Variants in DGKI observed in about 807,000 individuals in gnomAD.
DGKI encodes DAG kinase iota.
Under a neutral mutation model 147.5 loss-of-function variants are expected in DGKI, and 55 were observed. The ratio of observed to expected loss-of-function variants is 0.37; its 90% confidence interval spans 0.30 to 0.47. The LOEUF (loss-of-function observed/expected upper bound fraction) is 0.47, where lower values mean the gene tolerates loss of function less well. DGKI is among the 20% of genes least tolerant of loss of function. DGKI has a pLI of 1.00. For missense variants in DGKI, 1,007 were observed against 1,323.8 expected (o/e 0.76, Z 3.71); for synonymous variants, 469 against 477.1 (o/e 0.98, Z 0.22).
At chr7:137,416,752 C>A (rs1404716870) in intron 28 of DGKI, among the ~76,000 whole-genome samples, 1 of 152,154 alleles carries the variant, frequency 6.6e-6, no homozygotes. Context: ...AGCTTGTACC[C>A]CATATCGCTC....
intron 6 of DGKI, among the ~76,000 whole-genome samples, chr7:137,629,846 T>C (rs1030702486): frequency 6.6e-6 from 1 of 152,200 alleles, no homozygotes; most frequent in Non-Finnish European, 1.5e-5. Flanking sequence ...TAGGCTGGTT[T>C]GATAATATGC....
At chr7:137,806,553 C>T (rs1215445340) in intron 1 of DGKI, among the ~76,000 whole-genome samples, 1 of 152,130 alleles carries the variant, frequency 6.6e-6, no homozygotes, top group Non-Finnish European at 1.5e-5. Context: ...CCTGCCTCAT[C>T]CTCCTGAGTA....
chr7:137,438,721 T>G (rs1036120068), intron 28 of DGKI, among the ~76,000 whole-genome samples: 3 of 152,166 alleles, frequency 2.0e-5, no homozygotes, highest in African/African-American at 7.2e-5. Context: ...TATAAATTGG[T>G]ATATACTCAT....
chr7:137,673,314 T>G (rs762986243), intron 3 of DGKI, among the ~76,000 whole-genome samples: 1 of 152,198 alleles, frequency 6.6e-6, no homozygotes, highest in Non-Finnish European at 1.5e-5. Flanking sequence ...TTTTTGGTCC[T>G]GACACTCTGT....
rs989747682 is a variant in DGKI, at chr7:137,387,846, A to AT, written c.*3373dup. The AT allele has an allele frequency of 2.6e-5, 4 of 152,194 alleles. No individual in the cohort carries two copies. Among genetic ancestry groups the AT allele is most frequent in the African/African-American group, 7.2e-5 (3 of 41,458 alleles). 9.4% of individuals were successfully genotyped at this position (152,194 alleles called of 1,614,324 possible). On this transcript the variant is annotated 3_prime_UTR_variant, in exon 33 of 33. Coordinates refer to ENST00000614521, the MANE Select transcript of DGKI (RefSeq NM_001321708.2). ...TGTAATAAAATAAAGATGCTGTGTC[A>AT]TTTTTTAAAGCCATGAATATTATAA...
intron 19 of DGKI, among the ~76,000 whole-genome samples, chr7:137,562,396 C>T (rs1435680474): frequency 1.1e-4 from 16 of 152,194 alleles, no homozygotes; most frequent in Admixed American, 9.8e-4. Context: ...ATTAGCCGGC[C>T]CTTGTGGCGG....
At chr7:137,608,081 C>A (rs1477146814) in intron 10 of DGKI, among the ~76,000 whole-genome samples, 1 of 152,108 alleles carries the variant, frequency 6.6e-6, no homozygotes, top group Non-Finnish European at 1.5e-5. Context: ...CATCTTGGAC[C>A]AGTGGGTCAA....
chr7:137,394,650 C>T (rs1453035927), intron 32 of DGKI, among the ~76,000 whole-genome samples: 3 of 152,308 alleles, frequency 2.0e-5, no homozygotes, highest in Non-Finnish European at 4.4e-5. Context: ...GGTTGGCATA[C>T]ATGTCACAGT....
intron 1 of DGKI, among the ~76,000 whole-genome samples, chr7:137,777,656 A>G (rs1796400695): frequency 6.6e-6 from 1 of 152,212 alleles, no homozygotes; most frequent in Non-Finnish European, 1.5e-5. Context: ...GTTATTTACT[A>G]TGTCACTGCT....
chr7:137,766,372 G>GT (rs1199678508), intron 1 of DGKI, among the ~76,000 whole-genome samples: 1 of 152,140 alleles, frequency 6.6e-6, no homozygotes, highest in Non-Finnish European at 1.5e-5. Context: ...AAGTAATTAA[G>GT]TTTTTTTAAA....
chr7:137,833,648 C>T (rs958735480), intron 1 of DGKI, among the ~76,000 whole-genome samples: 2 of 152,166 alleles, frequency 1.3e-5, no homozygotes, highest in African/African-American at 4.8e-5. Flanking sequence ...CAGGGCACTG[C>T]CAGTGGATAT....
intron 19 of DGKI, among the ~76,000 whole-genome samples, chr7:137,558,343 G>C (rs188052000): frequency 6.6e-6 from 1 of 152,236 alleles, no homozygotes; most frequent in African/African-American, 2.4e-5. Flanking sequence ...GCAGTGGCAC[G>C]ATCTCGGCTG....
intron 10 of DGKI, among the ~76,000 whole-genome samples, chr7:137,602,002 A>C (rs763539131): frequency 6.6e-6 from 1 of 152,180 alleles, no homozygotes; most frequent in East Asian, 1.9e-4. Flanking sequence ...CTGTATACAC[A>C]CTAAATACTA....
chr7:137,411,382 C>T (rs990401778), intron 29 of DGKI, among the ~76,000 whole-genome samples: 10 of 152,188 alleles, frequency 6.6e-5, no homozygotes, highest in African/African-American at 1.9e-4. Context: ...CACAGATCTA[C>T]ACTATCAGAA....
At chr7:137,725,826 G>C (rs981666151) in intron 1 of DGKI, among the ~76,000 whole-genome samples, 5 of 152,014 alleles carry the variant, frequency 3.3e-5, no homozygotes, top group Non-Finnish European at 7.4e-5. Flanking sequence ...TTCTCTCCTA[G>C]CCTAACTCTC....
intron 19 of DGKI, among the ~76,000 whole-genome samples, chr7:137,564,082 C>G (rs1305126711): frequency 6.6e-6 from 1 of 152,040 alleles, no homozygotes; most frequent in African/African-American, 2.4e-5. Flanking sequence ...ATCAATGGAA[C>G]AGAATAGAAT....
intron 8 of DGKI, among the ~76,000 whole-genome samples, chr7:137,619,126 A>G (rs182070969): frequency 6.6e-6 from 1 of 152,304 alleles, no homozygotes; most frequent in Non-Finnish European, 1.5e-5. Flanking sequence ...AAAATCTGCC[A>G]TCCCATAACT....
intron 20 of DGKI, among the ~76,000 whole-genome samples, chr7:137,523,226 A>T (rs1161706664): frequency 6.6e-6 from 1 of 152,056 alleles, no homozygotes; most frequent in Non-Finnish European, 1.5e-5. Context: ...ACACACAGAG[A>T]CACAGACACA....
At chr7:137,447,822 C>G (rs1227628260) in intron 27 of DGKI, among the ~76,000 whole-genome samples, 1 of 152,098 alleles carries the variant, frequency 6.6e-6, no homozygotes, top group Non-Finnish European at 1.5e-5. Context: ...CATAAAATAA[C>G]AAGAAGACAA....
Sources: allele counts gnomAD v4.1 joint callset (sites outside exome capture counted in the v4.1 genomes callset), GRCh38; gene constraint gnomAD v4.1.1; transcripts MANE v1.5; gene names NCBI Gene and HGNC (gene_info 2026-07-23, HGNC 2026-07-21).